Variants in CFAP44 observed in about 807,000 individuals in gnomAD.
CFAP44 encodes cilia and flagella associated protein 44, also known as cilia- and flagella-associated protein 44.
CFAP44 carries 134 observed loss-of-function variants against 216.2 expected under a neutral mutation model. That is an observed-to-expected ratio of 0.62 (90% confidence interval 0.54 to 0.72). The LOEUF (loss-of-function observed/expected upper bound fraction) is 0.72, where lower values mean the gene tolerates loss of function less well. Among genes scored for constraint, CFAP44 ranks in the 30% least tolerant of loss-of-function variants. CFAP44 has a pLI of 0.00. For synonymous variants in CFAP44, 700 were observed against 727.6 expected (o/e 0.96, Z 0.61); for missense variants, 2,035 against 2,182.1 (o/e 0.93, Z 1.34).
intron 1 of CFAP44, among the ~76,000 whole-genome samples, 158 bp downstream of exon 1, chr3:113,441,295 A>C (rs1293280017): frequency 6.6e-6 from 1 of 152,148 alleles, no homozygotes; most frequent in African/African-American, 2.4e-5. Context: ...GCCTGAGAAT[A>C]CTCGTGGCTT....
At position 113,396,739 on chromosome 3, in the gene CFAP44, T is replaced by G. The variant is rs780105667; in HGVS notation, c.1570-12A>C. 8.4e-5 allele frequency: 136 copies of G among 1,612,088 alleles called. No individual in the cohort carries two copies. Among genetic ancestry groups the G allele is most frequent in the Non-Finnish European group, 1.1e-4 (135 of 1,178,940 alleles). On this transcript the variant is annotated splice_polypyrimidine_tract_variant and intron_variant, in intron 13 of 34. Coordinates refer to ENST00000393845, the MANE Select transcript of CFAP44 (RefSeq NM_001164496.2). The stretch of plus-strand genomic sequence containing the variant: ...CCAGTGAAGTTTACCTTGGAGAAAA[T>G]TAAAGATAAGGGACCTGAAACTAGT...
intron 33 of CFAP44, among the ~76,000 whole-genome samples, chr3:113,295,838 A>G (rs1206707270): frequency 2.0e-5 from 3 of 152,226 alleles, no homozygotes; most frequent in Non-Finnish European, 2.9e-5. Context: ...TGCAAAAACC[A>G]TACAGTAATA....
chr3:113,441,340 G>C, intron 1 of CFAP44, 113 bp downstream of exon 1: 1 of 970,618 alleles, frequency 1.0e-6, no homozygotes, highest in Non-Finnish European at 1.2e-6. Context: ...GGAGGACGAA[G>C]GCTATAACAC....
At chr3:113,376,591 T>C (rs1933351452) in intron 17 of CFAP44, among the ~76,000 whole-genome samples, 1 of 152,076 alleles carries the variant, frequency 6.6e-6, no homozygotes, top group Non-Finnish European at 1.5e-5. Flanking sequence ...ATTTGAGAAG[T>C]ATGAGGGGTC....
At chr3:113,296,319 G>A (rs2107786903) in intron 33 of CFAP44, among the ~76,000 whole-genome samples, 1 of 152,248 alleles carries the variant, frequency 6.6e-6, no homozygotes, top group East Asian at 1.9e-4. Context: ...CCCGACTGGT[G>A]TGAGATGATA....
At chr3:113,336,735 A>C (rs1173071080) in intron 24 of CFAP44, among the ~76,000 whole-genome samples, 2 of 152,164 alleles carry the variant, frequency 1.3e-5, no homozygotes, top group South Asian at 2.1e-4. Flanking sequence ...AAATGGTCTA[A>C]ATATACCATT....
chr3:113,296,640 G>C, intron 33 of CFAP44, 85 bp downstream of exon 33: 1 of 1,450,110 alleles, frequency 6.9e-7, no homozygotes, highest in Non-Finnish European at 9.2e-7. Flanking sequence ...CTACACAGAT[G>C]CTTCATGGGT....
intron 24 of CFAP44, among the ~76,000 whole-genome samples, chr3:113,334,396 T>C (rs1459537024): frequency 6.6e-6 from 1 of 152,152 alleles, no homozygotes; most frequent in Non-Finnish European, 1.5e-5. Flanking sequence ...CAAAACATTG[T>C]AAATTATCAG....
chr3:113,318,052 T>C (rs921180845), intron 28 of CFAP44, among the ~76,000 whole-genome samples: 3 of 152,106 alleles, frequency 2.0e-5, no homozygotes, highest in Admixed American at 1.3e-4. Flanking sequence ...ACTGGTTTTT[T>C]TTTTTAACAG....
chr3:113,411,674 T>C (rs1389935496), intron 6 of CFAP44, among the ~76,000 whole-genome samples: 2 of 152,238 alleles, frequency 1.3e-5, no homozygotes, highest in African/African-American at 4.8e-5. Flanking sequence ...TCCAATTCTA[T>C]GAAGAAAGTC....
chr3:113,360,841 T>C (rs1428891142), intron 21 of CFAP44: 1 of 186,798 alleles, frequency 5.4e-6, no homozygotes, highest in Non-Finnish European at 1.1e-5. Context: ...AAATCTACTT[T>C]TATAAAGTAG....
At chr3:113,381,112 T>C (rs761400407) in intron 15 of CFAP44, 52 bp from the exon 16 acceptor site, 79 of 1,310,532 alleles carry the variant, frequency 6.0e-5, no homozygotes, top group Non-Finnish European at 7.4e-5. Flanking sequence ...TTTAAAAGCA[T>C]AGTTTAAAGA....
In CFAP44 at chr3:113,397,140, A is replaced by G. The variant is rs1460573973; in HGVS notation, c.1570-413T>C. The G allele has an allele frequency of 2.3e-5, 4 of 170,336 alleles. No individual in the cohort carries two copies. The East Asian group carries it at 6.1e-4, about 26-fold the overall frequency. The allele number at this position is 170,336 out of a possible 1,614,324, so 10.6% of individuals were successfully genotyped here. The stretch of plus-strand genomic sequence containing the variant: ...AAAGAAATGTATTCTCTGAGAGCAT[A>G]TAACAAAGAAGGCTGACCTCGACTT... On this transcript the variant is annotated intron_variant, in intron 13 of 34. Coordinates refer to ENST00000393845, the MANE Select transcript of CFAP44 (RefSeq NM_001164496.2).
chr3:113,407,959 A>C (rs1214516934), intron 7 of CFAP44, among the ~76,000 whole-genome samples: 1 of 152,220 alleles, frequency 6.6e-6, no homozygotes, highest in African/African-American at 2.4e-5. Context: ...GATATGGGGC[A>C]TAGAAAATAC....
intron 21 of CFAP44, among the ~76,000 whole-genome samples, chr3:113,362,327 G>T (rs551918520): frequency 6.6e-6 from 1 of 152,086 alleles, no homozygotes; most frequent in Non-Finnish European, 1.5e-5. Context: ...GGCACTCCTC[G>T]TGATGCTCTG....
intron 32 of CFAP44, among the ~76,000 whole-genome samples, chr3:113,298,592 C>T (rs1259138731): frequency 6.6e-6 from 1 of 152,080 alleles, no homozygotes; most frequent in Non-Finnish European, 1.5e-5. Context: ...ATCCAGCTGC[C>T]CATTGACAAA....
At chr3:113,320,325 G>C (rs1950130654) in intron 28 of CFAP44, among the ~76,000 whole-genome samples, 2 of 146,142 alleles carry the variant, frequency 1.4e-5, no homozygotes, top group Admixed American at 6.8e-5. Context: ...GCTGGAACCT[G>C]ACCCTGACCC....
chr3:113,423,084 A>G (rs1302793947), intron 4 of CFAP44, among the ~76,000 whole-genome samples: 2 of 148,584 alleles, frequency 1.3e-5, no homozygotes, highest in Admixed American at 6.7e-5. Context: ...TAATTTGTGC[A>G]TAACTGGAAT....
At position 113,296,066 on chromosome 3, in the gene CFAP44, G is replaced by A. The variant is rs147146958; in HGVS notation, c.5238+659C>T. Among the ~76,000 whole-genome samples the A allele has an allele frequency of 2.8e-3, 429 of 152,272 alleles. 1 individual carries two copies. The highest frequency in any genetic ancestry group is 4.0e-3 in the Non-Finnish European group (269 of 68,034). ...CCTCACCCCCACCATCCTCCCCGCTGCTGGAGTCCCCAGTGTTTATTATTT... is the reference window on the plus strand; with the variant it reads ...CCTCACCCCCACCATCCTCCCCGCTACTGGAGTCCCCAGTGTTTATTATTT... On this transcript the variant is annotated intron_variant, in intron 33 of 34. Transcript: ENST00000393845.
Sources: allele counts gnomAD v4.1 joint callset (sites outside exome capture counted in the v4.1 genomes callset), GRCh38; gene constraint gnomAD v4.1.1; transcripts MANE v1.5; gene names NCBI Gene and HGNC (gene_info 2026-07-23, HGNC 2026-07-21).